EPC2: variants seen among roughly 807,000 people sequenced by gnomAD.
The protein encoded by EPC2 is enhancer of polycomb 2.
Under a neutral mutation model 92.1 loss-of-function variants are expected in EPC2, and 14 were observed. The ratio of observed to expected loss-of-function variants is 0.15; its 90% confidence interval spans 0.10 to 0.24. The LOEUF (loss-of-function observed/expected upper bound fraction) is 0.24, where lower values mean the gene tolerates loss of function less well. EPC2 is among the 10% of genes least tolerant of loss of function. The pLI, the probability that EPC2 is intolerant of heterozygous loss-of-function variation, is 1.00. For synonymous variants in EPC2, 340 were observed against 334.7 expected (o/e 1.02, Z -0.17); for missense variants, 755 against 971.5 (o/e 0.78, Z 2.96).
chr2:148,766,911 TTG>T (rs1219667770), intron 7 of EPC2, among the ~76,000 whole-genome samples: 1 of 152,266 alleles, frequency 6.6e-6, no homozygotes, highest in South Asian at 2.1e-4. Flanking sequence ...AGACTGGACA[TTG>T]TGGCTCATGC....
intron 8 of EPC2, among the ~76,000 whole-genome samples, chr2:148,769,667 T>C (rs1683478708): frequency 6.6e-6 from 1 of 152,186 alleles, no homozygotes; most frequent in Admixed American, 6.5e-5. Flanking sequence ...ATAATTTTGT[T>C]TGATACTTCC....
chr2:148,721,904 T>TTTTTTTTTTTTTTTG, intron 2 of EPC2, among the ~76,000 whole-genome samples: 1 of 146,906 alleles, frequency 6.8e-6, no homozygotes, highest in Non-Finnish European at 1.5e-5. Context: ...TTTTTTTTTT[T>TTTTTTTTTTTTTTTG]TTTCAGAATT....
At chr2:148,653,731 C>T (rs779986381) in intron 1 of EPC2, among the ~76,000 whole-genome samples, 58 of 151,072 alleles carry the variant, frequency 3.8e-4, no homozygotes, top group African/African-American at 1.3e-3. Context: ...GGGCTAAGGA[C>T]GTGTCTCATG....
At chr2:148,747,045 A>T (rs1682998352) in intron 3 of EPC2, among the ~76,000 whole-genome samples, 1 of 152,148 alleles carries the variant, frequency 6.6e-6, no homozygotes, top group Non-Finnish European at 1.5e-5. Context: ...TAAATAATAA[A>T]ACACTTTCCA....
intron 2 of EPC2, among the ~76,000 whole-genome samples, chr2:148,691,184 C>T (rs1426538626): frequency 1.3e-5 from 2 of 152,178 alleles, no homozygotes; most frequent in Non-Finnish European, 2.9e-5. Context: ...ATTTACTGTC[C>T]TGTATCTCCT....
At chr2:148,663,194 G>GTGT (rs1680975864) in intron 1 of EPC2, among the ~76,000 whole-genome samples, 1 of 136,350 alleles carries the variant, frequency 7.3e-6, no homozygotes, top group South Asian at 2.3e-4. Context: ...CTGTGTTTTT[G>GTGT]TATTATTATT....
intron 2 of EPC2, among the ~76,000 whole-genome samples, chr2:148,723,501 T>A (rs1030069978): frequency 6.6e-6 from 1 of 152,216 alleles, no homozygotes; most frequent in Non-Finnish European, 1.5e-5. Flanking sequence ...TGGGTTTCTG[T>A]TCCCGTAAGT....
In EPC2 at chr2:148,787,161, C is replaced by A. The variant is rs1380454628; in HGVS notation, c.*784C>A. ...AAATTTTTCGAGGATTACATTTTAT[C>A]TGAAGGCTGCATATTTTAACTGGCT... is the stretch of plus-strand genomic sequence containing the variant. On this transcript the variant is annotated 3_prime_UTR_variant, in exon 14 of 14. Coordinates refer to ENST00000258484, the MANE Select transcript of EPC2 (RefSeq NM_015630.4). The A allele has an allele frequency of 6.6e-6, 1 of 152,564 alleles. No individual in the cohort carries two copies. The highest frequency in any genetic ancestry group is 1.5e-5 in the Non-Finnish European group (1 of 68,032). 9.5% of individuals were successfully genotyped at this position (152,564 alleles called of 1,614,324 possible). A position where few individuals can be genotyped will look rare whatever the true frequency, so the allele number is the denominator to read the frequency against.
intron 2 of EPC2, among the ~76,000 whole-genome samples, chr2:148,726,000 CTTTTTG>C (rs1255642415): frequency 1.3e-5 from 2 of 152,086 alleles, no homozygotes; most frequent in Non-Finnish European, 2.9e-5. Context: ...CACCATTCTG[CTTTTTG>C]TTTTTAAGAA....
intron 1 of EPC2, among the ~76,000 whole-genome samples, chr2:148,657,951 A>G (rs1027164460): frequency 1.3e-5 from 2 of 152,002 alleles, no homozygotes; most frequent in Admixed American, 1.3e-4. Flanking sequence ...TATATTACAC[A>G]TATACCAATA....
intron 2 of EPC2, among the ~76,000 whole-genome samples, chr2:148,716,893 A>AT (rs1447402917): frequency 1.3e-5 from 2 of 152,078 alleles, no homozygotes; most frequent in African/African-American, 4.8e-5. Context: ...TTGATAGACT[A>AT]TTTATTACTG....
At chr2:148,655,180 T>C (rs1680765584) in intron 1 of EPC2, among the ~76,000 whole-genome samples, 1 of 152,226 alleles carries the variant, frequency 6.6e-6, no homozygotes, top group African/African-American at 2.4e-5. Flanking sequence ...ATTACATCTA[T>C]CTTCTGCCCA....
At chr2:148,689,209 G>A (rs962648034) in intron 1 of EPC2, among the ~76,000 whole-genome samples, 7 of 151,532 alleles carry the variant, frequency 4.6e-5, no homozygotes, top group African/African-American at 1.7e-4. Flanking sequence ...ACGGAGTCTC[G>A]CTGTGTCGCC....
chr2:148,667,680 G>A (rs144355375), intron 1 of EPC2, among the ~76,000 whole-genome samples: 51 of 152,168 alleles, frequency 3.4e-4, no homozygotes, highest in Admixed American at 2.9e-3. Context: ...AGAAACTCCA[G>A]TACAATATTG....
rs2083583372 is a variant in EPC2 at position 148,784,895 on chromosome 2, C to T, written c.2245C>T (p.Arg749Trp). 4 of 1,605,906 alleles carry T rather than the reference C, an allele frequency of 2.5e-6. No individual in the cohort carries two copies. The highest frequency in any genetic ancestry group is 2.6e-6 in the Non-Finnish European group (3 of 1,175,670). ...VSPVNVHINTRTSAPSPTALK... is the reference protein window; with the variant it reads ...VSPVNVHINTWTSAPSPTALK... ...TCCAGTCAATGTGCATATCAATACA[C>T]GGACTTCAGCACCATCGCCAACAGC... is the stretch of plus-strand genomic sequence containing the variant. Residue 749 changes from arginine (R) to tryptophan (W), a missense_variant, in exon 13 of 14, where the codon CGG (arginine) becomes TGG (tryptophan). Around this residue, in one of 4 missense-constraint regions of EPC2, gnomAD observed 207 missense variants for 260.5 expected, o/e 0.79. Coordinates refer to ENST00000258484, the MANE Select transcript of EPC2 (RefSeq NM_015630.4).
At position 148,765,126 on chromosome 2, in the gene EPC2, G is replaced by T. The variant is rs1323033314; in HGVS notation, c.1120G>T (p.Asp374Tyr). ...DIKQYDFHSSDEDEFPQVLSP... is the reference protein window; with the variant it reads ...DIKQYDFHSSYEDEFPQVLSP... Reference sequence around the variant, plus strand: ...TAAGCAATATGATTTTCACAGCTCAGATGAAGATGAATTTCCACAGGTGCT... The same window carrying T: ...TAAGCAATATGATTTTCACAGCTCATATGAAGATGAATTTCCACAGGTGCT... Residue 374 changes from aspartate (D) to tyrosine (Y), a missense_variant, in exon 7 of 14, where the codon GAT becomes TAT. Physicochemically the swap from Asp to Tyr is radical, Grantham distance 160. Transcript: ENST00000258484. 2.6e-6 allele frequency: 4 copies of T among 1,558,998 alleles called. No homozygotes were observed. The highest frequency in any genetic ancestry group is 2.6e-6 in the Non-Finnish European group (3 of 1,154,510).
chr2:148,719,961 G>A (rs10803528), intron 2 of EPC2, among the ~76,000 whole-genome samples: 96,080 of 151,976 alleles, frequency 0.63, 32,917 homozygotes, highest in Non-Finnish European at 0.79. Context: ...GGGAGGACCC[G>A]CCCCACAAGG....
At chr2:148,765,261 TA>T in intron 7 of EPC2, 115 bp downstream of exon 7, 1 of 632,572 alleles carries the variant, frequency 1.6e-6, no homozygotes, top group Non-Finnish European at 2.5e-6. Flanking sequence ...CTAATGTATA[TA>T]GCATAAACAT....
At chr2:148,682,139 G>T (rs536434905) in intron 1 of EPC2, among the ~76,000 whole-genome samples, 60 of 152,286 alleles carry the variant, frequency 3.9e-4, no homozygotes, top group South Asian at 1.5e-3. Context: ...CATTTGGGTT[G>T]GTTCCAAGTC....
Sources: gnomAD v4.1 joint callset for allele counts (sites outside exome capture counted in the v4.1 genomes callset) on GRCh38, gnomAD v4.1.1 for gene constraint, gnomAD v4.1.1 regional missense constraint, MANE v1.5 for transcripts, NCBI Gene and HGNC (gene_info 2026-07-23, HGNC 2026-07-21) for gene names.